Variants in HBS1L observed in about 807,000 individuals in gnomAD.
The protein encoded by HBS1L is HBS1 like translational GTPase.
HBS1L carries 55 observed loss-of-function variants against 88.9 expected under a neutral mutation model. That is an observed-to-expected ratio of 0.62 (90% CI 0.50 to 0.77). HBS1L has a LOEUF of 0.77. Ranked by LOEUF, HBS1L falls within the 30% of genes least tolerant of loss-of-function variation. The pLI is 0.00. For synonymous variants in HBS1L, 267 were observed against 288.5 expected (o/e 0.93, Z 0.76); for missense variants, 741 against 829.3 (o/e 0.89, Z 1.31).
chr6:134,987,731 T>C lies in HBS1L; in HGVS notation c.1144A>G (p.Thr382Ala), dbSNP rs773555215. ...CCATGCTCTCGTGTTTGTCCTCCAGTCTCAAATCCAGCTTCAAACTCTCCC... is the reference window on the plus strand; with the variant it reads ...CCATGCTCTCGTGTTTGTCCTCCAGCCTCAAATCCAGCTTCAAACTCTCCC... ...SRGEFEAGFETGGQTREHGLL... is the reference protein window; with the variant it reads ...SRGEFEAGFEAGGQTREHGLL... The change falls in exon 9 of 18, where the codon ACT becomes GCT. Residue 382 changes from threonine (T) to alanine (A), a missense_variant. Physicochemically the swap from Thr to Ala is moderately conservative, Grantham distance 58. Transcript: ENST00000367837. 2 of 1,606,464 alleles carry C rather than the reference T, an allele frequency of 1.2e-6. No individual in the cohort carries two copies. Among genetic ancestry groups the C allele is most frequent in the African/African-American group, 2.7e-5 (2 of 74,486 alleles).
intron 1 of HBS1L, among the ~76,000 whole-genome samples, chr6:135,053,490 A>G (rs778045313): frequency 6.6e-5 from 10 of 152,242 alleles, no homozygotes; most frequent in Non-Finnish European, 1.5e-4. Flanking sequence ...CTCTCAATCT[A>G]AAGTCATTTC....
At chr6:135,036,731 A>T in intron 4 of HBS1L, 1 of 1,551,064 alleles carries the variant, frequency 6.4e-7, no homozygotes, top group South Asian at 1.2e-5. Flanking sequence ...CGTCGCTTGC[A>T]GCTTTTCAGT....
chr6:135,045,093 G>T (rs901162023), intron 2 of HBS1L, among the ~76,000 whole-genome samples: 1 of 144,762 alleles, frequency 6.9e-6, no homozygotes, highest in Non-Finnish European at 1.5e-5. Flanking sequence ...ACTCCCCCAG[G>T]AGAAGTATTG....
chr6:134,986,051 T>A lies in HBS1L; in HGVS notation c.1423+15A>T, dbSNP rs763345196. Reference sequence around the variant, plus strand: ...AGTTTATAATGCATTAAAGCTAGAATGGCAGTATACTTACCAATTTGTTCT... The same window carrying A: ...AGTTTATAATGCATTAAAGCTAGAAAGGCAGTATACTTACCAATTTGTTCT... On this transcript the variant is annotated intron_variant, in intron 11 of 17. Transcript: ENST00000367837. 3.9e-6 allele frequency: 4 copies of A among 1,019,768 alleles called. No individual in the cohort carries two copies. Among genetic ancestry groups the A allele is most frequent in the Non-Finnish European group, 6.1e-6 (4 of 655,328 alleles). 63.2% of individuals were successfully genotyped at this position (1,019,768 alleles called of 1,614,324 possible). A position where few individuals can be genotyped will look rare whatever the true frequency, so the allele number is the denominator to read the frequency against.
At position 134,979,279 on chromosome 6, in the gene HBS1L, GT is replaced by G; in HGVS notation, c.1598-12del. On this transcript the variant is annotated splice_polypyrimidine_tract_variant and intron_variant, in intron 13 of 17. Coordinates refer to ENST00000367837, the MANE Select transcript of HBS1L (RefSeq NM_006620.4). Reference sequence around the variant, plus strand: ...CATGCAGAGTGATTCCTGGAAATGAGTAAGAACCAAAGCATACAGTGAAACA... The same window carrying G: ...CATGCAGAGTGATTCCTGGAAATGAGAAGAACCAAAGCATACAGTGAAACA... The G allele has an allele frequency of 6.2e-7, 1 of 1,604,272 alleles. No homozygotes were observed. Among genetic ancestry groups the G allele is most frequent in the Non-Finnish European group, 8.5e-7 (1 of 1,171,822 alleles).
At chr6:135,027,487 A>C (rs2114871644) in intron 4 of HBS1L, among the ~76,000 whole-genome samples, 1 of 152,290 alleles carries the variant, frequency 6.6e-6, no homozygotes, top group Admixed American at 6.5e-5. Flanking sequence ...TTATCCAGAA[A>C]ATAACAGTAA....
intron 5 of HBS1L, among the ~76,000 whole-genome samples, chr6:135,000,833 G>T (rs537260646): frequency 6.6e-6 from 1 of 152,018 alleles, no homozygotes; most frequent in Non-Finnish European, 1.5e-5. Flanking sequence ...ACACCACTGA[G>T]AATCACACTA....
At chr6:134,996,691 A>T in intron 7 of HBS1L, 86 bp downstream of exon 7, 1 of 949,150 alleles carries the variant, frequency 1.1e-6, no homozygotes, top group Non-Finnish European at 1.5e-6. Flanking sequence ...AGTATTTCAT[A>T]TGTTTTACAA....
chr6:135,041,930 A>G, intron 3 of HBS1L, 71 bp downstream of exon 3: 1 of 1,384,090 alleles, frequency 7.2e-7, no homozygotes, highest in Non-Finnish European at 1.0e-6. Flanking sequence ...AAACACAATA[A>G]AACTGATAAA....
intron 4 of HBS1L, among the ~76,000 whole-genome samples, chr6:135,015,506 G>T (rs757859186): frequency 1.3e-5 from 2 of 152,092 alleles, no homozygotes; most frequent in Non-Finnish European, 2.9e-5. Flanking sequence ...ACTGAAGCAG[G>T]GTGATTTTGA....
chr6:135,039,368 C>T (rs912514443), intron 4 of HBS1L, among the ~76,000 whole-genome samples: 2 of 151,826 alleles, frequency 1.3e-5, no homozygotes, highest in Non-Finnish European at 2.9e-5. Flanking sequence ...AAAATAACCA[C>T]AAAAACAGGC....
In HBS1L at chr6:134,964,217, T is replaced by A. The variant is rs1423791145; in HGVS notation, c.*1062A>T. 1 of 152,116 alleles carries A rather than the reference T, an allele frequency of 6.6e-6. No individual in the cohort carries two copies. The highest frequency in any genetic ancestry group is 6.6e-5 in the Admixed American group (1 of 15,264). 9.4% of individuals were successfully genotyped at this position (152,116 alleles called of 1,614,324 possible). A position where few individuals can be genotyped will look rare whatever the true frequency, so the allele number is the denominator to read the frequency against. Reference sequence around the variant, plus strand: ...AAAAAAGCTTATCATAAACAGTCTATCAGATCAGAGTTCCAGGTTCAGCTG... The same window carrying A: ...AAAAAAGCTTATCATAAACAGTCTAACAGATCAGAGTTCCAGGTTCAGCTG... On this transcript the variant is annotated 3_prime_UTR_variant, in exon 18 of 18. Coordinates refer to ENST00000367837, the MANE Select transcript of HBS1L (RefSeq NM_006620.4).
At chr6:135,027,176 A>T (rs1480867720) in intron 4 of HBS1L, 1 of 123,188 alleles carries the variant, frequency 8.1e-6, no homozygotes, top group Non-Finnish European at 1.6e-5. Flanking sequence ...TGGGTGACAG[A>T]GACTCTATCT....
At chr6:135,011,152 G>A (rs1356543064) in intron 4 of HBS1L, among the ~76,000 whole-genome samples, 4 of 152,030 alleles carry the variant, frequency 2.6e-5, no homozygotes, top group African/African-American at 7.2e-5. Context: ...TGATATAAAC[G>A]TAAAGCAAAG....
At chr6:135,035,382 G>A (rs988540163) in intron 4 of HBS1L, among the ~76,000 whole-genome samples, 7 of 151,658 alleles carry the variant, frequency 4.6e-5, no homozygotes, top group African/African-American at 1.2e-4. Flanking sequence ...CCCGGGAGGC[G>A]GAGGCTGCAG....
At chr6:135,050,766 T>G in intron 1 of HBS1L, 119 bp from the exon 2 acceptor site, 46 of 612,738 alleles carry the variant, frequency 7.5e-5, no homozygotes, top group Non-Finnish European at 1.2e-4. Context: ...TTAAGGATCC[T>G]AGAATGTCTA....
intron 8 of HBS1L, among the ~76,000 whole-genome samples, chr6:134,988,952 T>G (rs545824541): frequency 1.1e-4 from 16 of 152,302 alleles, no homozygotes; most frequent in South Asian, 8.3e-4. Context: ...AAAAAAGCCT[T>G]GTATAACAAA....
At chr6:134,989,113 A>C (rs1347479725) in intron 8 of HBS1L, among the ~76,000 whole-genome samples, 1 of 152,156 alleles carries the variant, frequency 6.6e-6, no homozygotes, top group East Asian at 1.9e-4. Context: ...GGTTCCCACT[A>C]TTCTTTTGTG....
intron 4 of HBS1L, among the ~76,000 whole-genome samples, chr6:135,024,197 T>C (rs892412199): frequency 2.6e-5 from 4 of 152,102 alleles, no homozygotes; most frequent in African/African-American, 7.2e-5. Context: ...TCCCAGCACT[T>C]TGGGAGGCCG....
Sources: gnomAD v4.1 joint callset for allele counts (sites outside exome capture counted in the v4.1 genomes callset) on GRCh38, gnomAD v4.1.1 for gene constraint, MANE v1.5 for transcripts, NCBI Gene and HGNC (gene_info 2026-07-23, HGNC 2026-07-21) for gene names.